MEI4: variants seen among roughly 807,000 people sequenced by gnomAD.
MEI4 encodes the protein meiotic double-stranded break formation protein 4, also known as meiosis-specific protein MEI4.
In MEI4, 27 loss-of-function variants were observed where a neutral mutation model predicts 31.4. That is an observed-to-expected ratio of 0.86 (90% CI 0.63 to 1.19). The LOEUF is 1.19. Ranked by LOEUF, MEI4 falls within the 50% of genes most tolerant of loss-of-function variation. The pLI, the probability that MEI4 is intolerant of heterozygous loss-of-function variation, is 0.00. For missense variants in MEI4, 329 were observed against 398.9 expected (o/e 0.82, Z 1.49); for synonymous variants, 122 against 145.4 (o/e 0.84, Z 1.16).
intron 2 of MEI4, among the ~76,000 whole-genome samples, chr6:77,715,272 C>T (rs149372103): frequency 1.6e-4 from 25 of 152,144 alleles, no homozygotes; most frequent in African/African-American, 4.8e-4. Context: ...GATGGATGAA[C>T]GATAATACTA....
intron 4 of MEI4, among the ~76,000 whole-genome samples, chr6:77,835,705 G>T (rs1770204029): frequency 6.6e-6 from 1 of 151,968 alleles, no homozygotes; most frequent in African/African-American, 2.4e-5. Flanking sequence ...GTACTAAGGA[G>T]ATCTGTATAA....
intron 4 of MEI4, among the ~76,000 whole-genome samples, chr6:77,835,501 T>C (rs575059317): frequency 1.3e-5 from 2 of 150,216 alleles, no homozygotes; most frequent in African/African-American, 2.4e-5. Flanking sequence ...TGAATGATAC[T>C]CAATCTCATG....
chr6:77,864,292 G>T (rs1770955915), intron 4 of MEI4, among the ~76,000 whole-genome samples: 1 of 152,126 alleles, frequency 6.6e-6, no homozygotes. Flanking sequence ...TGGCAAATTG[G>T]ATAAAGAGTC....
At chr6:77,851,284 G>A (rs2127718330) in intron 4 of MEI4, among the ~76,000 whole-genome samples, 1 of 152,082 alleles carries the variant, frequency 6.6e-6, no homozygotes, top group Admixed American at 6.6e-5. Flanking sequence ...CCCATTACTG[G>A]GTATATACCC....
chr6:77,860,442 A>G (rs1308352009), intron 4 of MEI4, among the ~76,000 whole-genome samples: 1 of 152,182 alleles, frequency 6.6e-6, no homozygotes, highest in Non-Finnish European at 1.5e-5. Flanking sequence ...CACTCAGATA[A>G]GTGTTAACAG....
intron 4 of MEI4, among the ~76,000 whole-genome samples, chr6:77,886,335 C>G (rs1254525851): frequency 1.3e-5 from 2 of 152,076 alleles, no homozygotes; most frequent in African/African-American, 4.8e-5. Context: ...TCTTGTTATT[C>G]ATTATTGCTT....
At chr6:77,893,467 A>G (rs1302438566) in intron 4 of MEI4, among the ~76,000 whole-genome samples, 1 of 152,222 alleles carries the variant, frequency 6.6e-6, no homozygotes, top group Non-Finnish European at 1.5e-5. Context: ...CTACTACGGT[A>G]ACACTTTGGA....
intron 2 of MEI4, among the ~76,000 whole-genome samples, chr6:77,734,187 G>A (rs905098753): frequency 1.1e-4 from 17 of 151,998 alleles, no homozygotes; most frequent in East Asian, 9.7e-4. Context: ...TATCCTTGTT[G>A]ACTTTCTGTC....
intron 2 of MEI4, among the ~76,000 whole-genome samples, chr6:77,716,497 A>T (rs1357177036): frequency 6.6e-6 from 1 of 152,088 alleles, no homozygotes; most frequent in Non-Finnish European, 1.5e-5. Flanking sequence ...AATTGAAAAG[A>T]CCACCCACTG....
rs571706190 is a variant in MEI4, at chr6:77,702,316, C to G, written c.232+11413C>G. On this transcript the variant is annotated intron_variant, in intron 2 of 4. Transcript: ENST00000684080. ...ATAAGTTGGGGCATTCACTGTTTTA[C>G]AGATGCTGAAAGAGTGTGAAAATTC... Among the ~76,000 whole-genome samples, 4 of 152,322 alleles carry G rather than the reference C, an allele frequency of 2.6e-5. No individual in the cohort carries two copies. The South Asian group carries it at 8.3e-4, about 32-fold the overall frequency.
At chr6:77,754,319 C>T (rs1322763925) in intron 2 of MEI4, among the ~76,000 whole-genome samples, 1 of 152,166 alleles carries the variant, frequency 6.6e-6, no homozygotes, top group East Asian at 1.9e-4. Context: ...ATCTCTACGG[C>T]AGAGGCAAAA....
intron 2 of MEI4, among the ~76,000 whole-genome samples, chr6:77,734,591 A>T (rs895121422): frequency 1.3e-5 from 2 of 152,006 alleles, no homozygotes; most frequent in African/African-American, 2.4e-5. Context: ...CTCTTTATCC[A>T]ATTTGCCAGT....
chr6:77,835,373 AAC>A (rs149668655), intron 4 of MEI4, among the ~76,000 whole-genome samples: 4,836 of 96,640 alleles, frequency 0.05, 237 homozygotes, highest in African/African-American at 0.14. Flanking sequence ...AACAAAACAA[AAC>A]ACACACACAC....
intron 2 of MEI4, among the ~76,000 whole-genome samples, chr6:77,691,568 A>G (rs1475809990): frequency 6.6e-6 from 1 of 152,078 alleles, no homozygotes; most frequent in Non-Finnish European, 1.5e-5. Context: ...CCATCATTAC[A>G]TTTAAGAGTG....
chr6:77,710,796 A>G lies in MEI4; in HGVS notation c.232+19893A>G, dbSNP rs1489012729. Among the ~76,000 whole-genome samples the G allele has an allele frequency of 3.9e-5, 6 of 152,298 alleles. No homozygotes were observed. The South Asian group carries it at 8.3e-4, about 21-fold the overall frequency. ...GAATATCTAGGGTCTGGACTGAGAC[A>G]TGATTCTTTCATAGTCCTTAGGTTA... On this transcript the variant is annotated intron_variant, in intron 2 of 4. Coordinates refer to ENST00000684080, the MANE Select transcript of MEI4 (RefSeq NM_001322247.2).
chr6:77,681,752 A>T (rs898573380), intron 1 of MEI4, among the ~76,000 whole-genome samples: 7 of 152,144 alleles, frequency 4.6e-5, no homozygotes, highest in African/African-American at 1.7e-4. Flanking sequence ...TTTTTTCAAC[A>T]AGAGAAACAT....
intron 3 of MEI4, among the ~76,000 whole-genome samples, chr6:77,778,351 A>G (rs1055030990): frequency 1.3e-5 from 2 of 152,236 alleles, no homozygotes; most frequent in East Asian, 1.9e-4. Context: ...GTTACTTGCT[A>G]TGGAATAAAT....
intron 3 of MEI4, among the ~76,000 whole-genome samples, chr6:77,804,275 G>C (rs1046007083): frequency 2.6e-5 from 4 of 152,186 alleles, no homozygotes; most frequent in African/African-American, 9.6e-5. Flanking sequence ...ATAATCTCCT[G>C]GTGTGCCATT....
intron 4 of MEI4, among the ~76,000 whole-genome samples, chr6:77,865,442 T>C (rs1015897168): frequency 5.3e-5 from 8 of 152,144 alleles, no homozygotes; most frequent in African/African-American, 1.9e-4. Flanking sequence ...CAGAGAATAC[T>C]ATAAACACTT....
Sources: allele counts gnomAD v4.1 joint callset (sites outside exome capture counted in the v4.1 genomes callset), GRCh38; gene constraint gnomAD v4.1.1; transcripts MANE v1.5; gene names NCBI Gene and HGNC (gene_info 2026-07-23, HGNC 2026-07-21).